Variants in ZNF407 observed in about 807,000 individuals in gnomAD.
ZNF407 encodes zinc finger protein 407.
Under a neutral mutation model 131.2 loss-of-function variants are expected in ZNF407, and 17 were observed. That is an observed-to-expected ratio of 0.13 (90% confidence interval 0.09 to 0.19). The LOEUF (loss-of-function observed/expected upper bound fraction) is 0.19. ZNF407 is among the 10% of genes least tolerant of loss of function. The pLI, the probability that ZNF407 is intolerant of heterozygous loss-of-function variation, is 1.00. For missense variants in ZNF407, 2,681 were observed against 2,830.6 expected (o/e 0.95, Z 1.20); for synonymous variants, 1,156 against 1,062.0 (o/e 1.09, Z -1.72).
At chr18:74,814,614 G>T (rs1970242699) in intron 4 of ZNF407, among the ~76,000 whole-genome samples, 1 of 152,188 alleles carries the variant, frequency 6.6e-6, no homozygotes, top group African/African-American at 2.4e-5. Context: ...TGACTGCATT[G>T]TGGATAGTAT....
intron 3 of ZNF407, among the ~76,000 whole-genome samples, chr18:74,669,304 T>C (rs2144748369): frequency 6.6e-6 from 1 of 152,298 alleles, no homozygotes; most frequent in South Asian, 2.1e-4. Context: ...CCATGGGGCC[T>C]TCCCTGCATA....
At chr18:74,915,615 G>A (rs1308591759) in intron 7 of ZNF407, among the ~76,000 whole-genome samples, 2 of 115,282 alleles carry the variant, frequency 1.7e-5, no homozygotes, top group East Asian at 3.0e-4. Context: ...GCATTGGTTC[G>A]AATCGGGAGT....
At chr18:74,923,351 C>T (rs1212382125) in intron 8 of ZNF407, among the ~76,000 whole-genome samples, 1 of 150,696 alleles carries the variant, frequency 6.6e-6, no homozygotes, top group East Asian at 1.9e-4. Flanking sequence ...AATCCACTAC[C>T]AGCTTAAATT....
At chr18:74,660,475 A>G (rs964649731) in intron 3 of ZNF407, among the ~76,000 whole-genome samples, 1 of 152,156 alleles carries the variant, frequency 6.6e-6, no homozygotes, top group Non-Finnish European at 1.5e-5. Flanking sequence ...TGATAAACTA[A>G]ACTGACTCCA....
chr18:75,034,828 C>T (rs961224676), intron 8 of ZNF407, among the ~76,000 whole-genome samples: 1 of 152,252 alleles, frequency 6.6e-6, no homozygotes, highest in South Asian at 2.1e-4. Flanking sequence ...AGTCATACAT[C>T]ATCTCTGGGG....
chr18:74,666,111 T>C (rs917664633), intron 3 of ZNF407, among the ~76,000 whole-genome samples: 15 of 152,140 alleles, frequency 9.9e-5, no homozygotes, highest in Admixed American at 1.3e-4. Context: ...AGTGGGAGCC[T>C]CAGCCTGACT....
At chr18:75,036,552 T>C (rs1253801955) in intron 8 of ZNF407, among the ~76,000 whole-genome samples, 11 of 152,268 alleles carry the variant, frequency 7.2e-5, no homozygotes, top group Non-Finnish European at 1.6e-4. Context: ...ACATTTGCGA[T>C]TAAATCTTAA....
chr18:74,968,274 C>A (rs1348191574), intron 8 of ZNF407, among the ~76,000 whole-genome samples: 1 of 152,142 alleles, frequency 6.6e-6, no homozygotes, highest in Non-Finnish European at 1.5e-5. Flanking sequence ...CATTTAGGGA[C>A]CTTAACTTCC....
At chr18:74,869,181 T>C (rs1174913035) in intron 4 of ZNF407, among the ~76,000 whole-genome samples, 1 of 152,212 alleles carries the variant, frequency 6.6e-6, no homozygotes, top group Non-Finnish European at 1.5e-5. Flanking sequence ...ATTCCCTTTA[T>C]TTGTTCTTTA....
At chr18:74,649,325 G>T (rs1020167891) in intron 3 of ZNF407, among the ~76,000 whole-genome samples, 3 of 152,132 alleles carry the variant, frequency 2.0e-5, no homozygotes, top group Non-Finnish European at 4.4e-5. Context: ...ATAAAATCTG[G>T]CTAAATGTAA....
Position 74,974,139 on chromosome 18 carries a change from C to CA in ZNF407, c.5428+53448dup, listed in dbSNP as rs1394019327. Among the ~76,000 whole-genome samples, 4 of 152,140 alleles carry CA rather than the reference C, an allele frequency of 2.6e-5. No individual in the cohort carries two copies. In the East Asian group the frequency reaches 5.8e-4, roughly 22 times the overall value. On this transcript the variant is annotated intron_variant, in intron 8 of 8. Transcript: ENST00000299687. The stretch of plus-strand genomic sequence containing the variant: ...GGAATTTGTAAGCTCTACAACTGTG[C>CA]AGATGTGCGATGGACATTATGTCTC...
chr18:74,770,376 A>G (rs775235275), intron 3 of ZNF407, among the ~76,000 whole-genome samples: 4 of 152,176 alleles, frequency 2.6e-5, no homozygotes, highest in African/African-American at 9.7e-5. Flanking sequence ...CAGCCTGGGT[A>G]ACAGAGGGAG....
At chr18:75,006,735 T>C (rs1323525663) in intron 8 of ZNF407, among the ~76,000 whole-genome samples, 1 of 152,174 alleles carries the variant, frequency 6.6e-6, no homozygotes, top group Non-Finnish European at 1.5e-5. Context: ...TAATTGTGTC[T>C]TGCAATCATC....
chr18:74,797,127 T>C (rs920107814), intron 4 of ZNF407, among the ~76,000 whole-genome samples: 2 of 152,184 alleles, frequency 1.3e-5, no homozygotes, highest in Non-Finnish European at 2.9e-5. Context: ...TATCATGAAT[T>C]CCACCTCTCT....
intron 8 of ZNF407, among the ~76,000 whole-genome samples, chr18:74,986,173 G>C (rs1031856686): frequency 3.3e-5 from 5 of 151,724 alleles, no homozygotes; most frequent in African/African-American, 1.2e-4. Flanking sequence ...ACAGACTTCG[G>C]CATACAAACT....
chr18:74,890,022 C>T lies in ZNF407; in HGVS notation c.5233C>T (p.Pro1745Ser). The change falls in exon 7 of 9, where the codon CCC becomes TCC. Residue 1745 changes from proline (P) to serine (S), a missense_variant. By Grantham distance (74) the Pro-to-Ser change is moderately conservative (BLOSUM62 -1). Transcript: ENST00000299687. ...VHTGEKPYRC[P>S]WCDYRSNCAE... ...CACTGGAGAAAAGCCCTACAGATGC[C>T]CCTGGTGTGACTACAGGTAATGACT... 1 of 1,593,088 alleles carries T rather than the reference C, an allele frequency of 6.3e-7. No homozygotes were observed. Among genetic ancestry groups the T allele is most frequent in the East Asian group, 2.3e-5 (1 of 44,330 alleles).
intron 3 of ZNF407, among the ~76,000 whole-genome samples, chr18:74,666,931 C>T (rs1463842986): frequency 6.6e-6 from 1 of 152,094 alleles, no homozygotes; most frequent in African/African-American, 2.4e-5. Context: ...GTGTGAGTCT[C>T]GTATTGCTTC....
intron 8 of ZNF407, among the ~76,000 whole-genome samples, chr18:74,964,580 GTTTTT>G (rs35373107): frequency 8.4e-5 from 10 of 118,616 alleles, no homozygotes; most frequent in Admixed American, 8.1e-4. Context: ...TATCATCCGG[GTTTTT>G]TTTTTTTTTT....
rs143110027 is a variant in ZNF407 at position 74,849,924 on chromosome 18, A to G, written c.4878-27273A>G. On this transcript the variant is annotated intron_variant, in intron 4 of 8. Transcript: ENST00000299687. ...TTACTGGTCTTTGAACCTTTTATTA[A>G]TGAATAAGTATAACTTATTTTCATA... Among the ~76,000 whole-genome samples, 278 of 152,354 alleles carry G rather than the reference A, an allele frequency of 1.8e-3. 1 individual carries two copies. The highest frequency in any genetic ancestry group is 6.4e-3 in the African/African-American group (268 of 41,580).
Sources: gnomAD v4.1 joint callset for allele counts (sites outside exome capture counted in the v4.1 genomes callset) on GRCh38, gnomAD v4.1.1 for gene constraint, MANE v1.5 for transcripts, NCBI Gene and HGNC (gene_info 2026-07-23, HGNC 2026-07-21) for gene names.